The following ZNF808 variants were observed in gnomAD, a reference collection of about 807,000 sequenced individuals.
ZNF808 encodes zinc finger protein 808.
In ZNF808, 5 loss-of-function variants were observed where a neutral mutation model predicts 8.7. The observed-to-expected ratio is 0.58, with a 90% CI of 0.30 to 1.21. The LOEUF is 1.21. ZNF808 is among the 50% of genes most tolerant of loss of function. ZNF808 has a pLI of 0.07. For synonymous variants in ZNF808, 380 were observed against 366.0 expected, an observed-to-expected ratio of 1.04 and a Z score of -0.44; for missense variants, 1,103 against 1,098.4, an observed-to-expected ratio of 1.00 and a Z score of -0.06.
Position 52,554,961 on chromosome 19 carries a change from A to G in ZNF808, c.2045A>G (p.Lys682Arg), listed in dbSNP as rs2059820215. Residue 682 changes from lysine (K) to arginine (R), a missense_variant, in exon 5 of 5, where the codon AAG (lysine) becomes AGG (arginine). Coordinates refer to ENST00000359798, the MANE Select transcript of ZNF808 (RefSeq NM_001039886.4). ...LHGGEKSYKCKVCDKAFVCRS... is the reference protein window; with the variant it reads ...LHGGEKSYKCRVCDKAFVCRS... The stretch of plus-strand genomic sequence containing the variant: ...GGTGGAGAGAAATCTTACAAATGTA[A>G]GGTTTGTGACAAGGCTTTCGTGTGT... The G allele has an allele frequency of 1.2e-6, 2 of 1,613,994 alleles. No homozygotes were observed. The highest frequency in any genetic ancestry group is 1.7e-6 in the Non-Finnish European group (2 of 1,179,978).
At chr19:52,535,573 G>T (rs377531138) in intron 2 of ZNF808, among the ~76,000 whole-genome samples, 51 of 152,210 alleles carry the variant, frequency 3.4e-4, no homozygotes, top group African/African-American at 1.2e-3. Flanking sequence ...TGAGCACTCC[G>T]TCCCGCATCC....
chr19:52,535,729 T>C (rs1459562578), intron 2 of ZNF808, among the ~76,000 whole-genome samples: 1 of 152,220 alleles, frequency 6.6e-6, no homozygotes, highest in South Asian at 2.1e-4. Flanking sequence ...CGGCAGGGCT[T>C]TGCATTTCAC....
At position 52,554,865 on chromosome 19, in the gene ZNF808, C is replaced by A; in HGVS notation, c.1949C>A (p.Thr650Asn). Reference protein sequence around the residue: ...RHTRIHTGEKTYKCNECGKTF... With the variant: ...RHTRIHTGEKNYKCNECGKTF... ...ACAAGAATTCACACTGGAGAAAAAA[C>A]TTACAAGTGTAATGAGTGTGGGAAG... is the stretch of plus-strand genomic sequence containing the variant. The change falls in exon 5 of 5, where the codon ACT (threonine) becomes AAT (asparagine). Residue 650 changes from threonine to asparagine, a missense_variant. Physicochemically the swap from Thr to Asn is moderately conservative, Grantham distance 65. Transcript: ENST00000359798. 1 of 1,614,198 alleles carries A rather than the reference C, an allele frequency of 6.2e-7. No individual in the cohort carries two copies. Among genetic ancestry groups the A allele is most frequent in the Non-Finnish European group, 8.5e-7 (1 of 1,180,020 alleles).
chr19:52,540,773 C>T (rs1388303244), intron 2 of ZNF808, among the ~76,000 whole-genome samples: 1 of 152,196 alleles, frequency 6.6e-6, no homozygotes, highest in Non-Finnish European at 1.5e-5. Flanking sequence ...CTCATTTCTA[C>T]AGCTGCCTCT....
intron 2 of ZNF808, 28 bp from the exon 3 acceptor site, chr19:52,543,238 A>G (rs1300190387): frequency 5.6e-6 from 9 of 1,608,076 alleles, no homozygotes; most frequent in Non-Finnish European, 7.6e-6. Context: ...CATTTCTAAC[A>G]TGAAGTCTTA....
chr19:52,552,997 A>G, intron 4 of ZNF808, 110 bp from the exon 5 acceptor site: 7 of 1,395,916 alleles, frequency 5.0e-6, no homozygotes, highest in South Asian at 3.7e-5. Flanking sequence ...TTTGAATATC[A>G]TGTTTGGGAA....
At chr19:52,562,208 TCCC>T (rs2123228495) in intron 3 of ZNF808, among the ~76,000 whole-genome samples, 1 of 152,204 alleles carries the variant, frequency 6.6e-6, no homozygotes, top group South Asian at 2.1e-4. Context: ...TGAAACCCTT[TCCC>T]TACTAAAAGT....
At chr19:52,539,039 A>G (rs1307906540) in intron 2 of ZNF808, among the ~76,000 whole-genome samples, 1 of 152,016 alleles carries the variant, frequency 6.6e-6, no homozygotes, top group Admixed American at 6.6e-5. Flanking sequence ...TTCCCTTTTC[A>G]TGGCTGGGGT....
rs370710735 is a variant in ZNF808, at chr19:52,540,587, A to AT, written c.-19-2670dup. On this transcript the variant is annotated intron_variant, in intron 2 of 4. Coordinates refer to ENST00000359798, the MANE Select transcript of ZNF808 (RefSeq NM_001039886.4). Reference sequence around the variant, plus strand: ...AAATTCAGTTGAAGTAGCCTATTCCATTTTTTTTTCTTATGTCATCTGAAA... The same window carrying AT: ...AAATTCAGTTGAAGTAGCCTATTCCATTTTTTTTTTCTTATGTCATCTGAAA... Among the ~76,000 whole-genome samples, 408 of 150,918 alleles carry AT rather than the reference A, an allele frequency of 2.7e-3. 1 individual carries two copies. The highest frequency in any genetic ancestry group is 9.4e-3 in the African/African-American group (388 of 41,100).
At chr19:52,530,103 C>T (rs1265662811) in intron 1 of ZNF808, among the ~76,000 whole-genome samples, 1 of 151,806 alleles carries the variant, frequency 6.6e-6, no homozygotes, top group Non-Finnish European at 1.5e-5. Context: ...TCTTTTTGCC[C>T]AGGCTAGCGT....
chr19:52,536,241 C>T (rs1341822904), intron 2 of ZNF808, among the ~76,000 whole-genome samples: 1 of 152,200 alleles, frequency 6.6e-6, no homozygotes, highest in Non-Finnish European at 1.5e-5. Flanking sequence ...TGGTCCCAAC[C>T]CCGGTCTTTC....
At chr19:52,564,276 T>G in exon 4 of ZNF808, 1 of 736,576 alleles carries the variant, frequency 1.4e-6, no homozygotes, top group African/African-American at 1.8e-5. Flanking sequence ...TGTGTGAGCA[T>G]CATAATCACG....
chr19:52,554,382 G>A lies in ZNF808; in HGVS notation c.1466G>A (p.Arg489His), dbSNP rs573679515. ...GEKTYKCNEC[R>H]KTFSRRSSLL... is the part of the protein sequence containing the mutation. Reference sequence around the variant, plus strand: ...AAAACTTACAAGTGTAATGAGTGTCGCAAGACCTTCAGCCGCAGGTCATCC... The same window carrying A: ...AAAACTTACAAGTGTAATGAGTGTCACAAGACCTTCAGCCGCAGGTCATCC... The change falls in exon 5 of 5, where the codon CGC (arginine) becomes CAC (histidine). Residue 489 changes from arginine to histidine, a missense_variant. Coordinates refer to ENST00000359798, the MANE Select transcript of ZNF808 (RefSeq NM_001039886.4). 42 of 1,613,700 alleles carry A rather than the reference G, an allele frequency of 2.6e-5. No individual in the cohort carries two copies. Among genetic ancestry groups the A allele is most frequent in the Non-Finnish European group, 3.4e-5 (40 of 1,179,966 alleles).
chr19:52,568,700 C>T (rs2059879425), downstream of ZNF808, among the ~76,000 whole-genome samples: 1 of 152,130 alleles, frequency 6.6e-6, no homozygotes, highest in Non-Finnish European at 1.5e-5. Context: ...TTGAGGTTTC[C>T]AGGTGGCTAT....
downstream of ZNF808, among the ~76,000 whole-genome samples, chr19:52,558,603 C>T (rs1306438258): frequency 2.0e-5 from 3 of 151,922 alleles, no homozygotes; most frequent in East Asian, 5.8e-4. Context: ...AACTCCTGAC[C>T]TCGTGATCCG....
Position 52,538,115 on chromosome 19 carries a change from A to ATCC in ZNF808, c.-20+5110_-20+5112dup, listed in dbSNP as rs1161426232. Among the ~76,000 whole-genome samples the ATCC allele has an allele frequency of 5.1e-4, 77 of 150,120 alleles. 1 individual carries two copies. Among genetic ancestry groups the ATCC allele is most frequent in the African/African-American group, 1.7e-3 (71 of 40,878 alleles). On this transcript the variant is annotated intron_variant, in intron 2 of 4. Coordinates refer to ENST00000359798, the MANE Select transcript of ZNF808 (RefSeq NM_001039886.4). ...AGCCTCGACCTCTTAGGCTCAAGCGATCCTCCCTCAGTCTCCTGAGTAGCT... is the reference window on the plus strand; with the variant it reads ...AGCCTCGACCTCTTAGGCTCAAGCGATCCTCCTCCCTCAGTCTCCTGAGTAGCT...
intron 3 of ZNF808, among the ~76,000 whole-genome samples, chr19:52,547,022 A>G (rs1426969628): frequency 7.1e-6 from 1 of 140,338 alleles, no homozygotes; most frequent in Non-Finnish European, 1.5e-5. Context: ...ATCTTGGCTC[A>G]CTGCAGCCTC....
intron 2 of ZNF808, among the ~76,000 whole-genome samples, chr19:52,535,641 G>C (rs1169821176): frequency 6.6e-6 from 1 of 152,208 alleles, no homozygotes; most frequent in Non-Finnish European, 1.5e-5. Context: ...CCTCCCTCCT[G>C]AATGAATGGA....
intron 4 of ZNF808, among the ~76,000 whole-genome samples, chr19:52,552,900 G>A (rs1443200460): frequency 6.6e-6 from 1 of 152,042 alleles, no homozygotes; most frequent in African/African-American, 2.4e-5. Context: ...TCATGATATA[G>A]GAAATAGACT....
Sources: gnomAD v4.1 joint callset for allele counts (sites outside exome capture counted in the v4.1 genomes callset) on GRCh38, gnomAD v4.1.1 for gene constraint, MANE v1.5 for transcripts, NCBI Gene and HGNC (gene_info 2026-07-23, HGNC 2026-07-21) for gene names.